PRKCA: variants seen among roughly 807,000 people sequenced by gnomAD.
PRKCA encodes the protein protein kinase C alpha, also known as protein kinase C alpha type.
In PRKCA, 27 loss-of-function variants were observed where a neutral mutation model predicts 87.0. The observed-to-expected ratio is 0.31, with a 90% CI of 0.23 to 0.43. The LOEUF (loss-of-function observed/expected upper bound fraction) is 0.43. PRKCA is among the 20% of genes least tolerant of loss of function. The probability of loss-of-function intolerance (pLI) is 1.00; values close to 1 mark genes in which losing one functional copy is unlikely to be tolerated. For missense variants in PRKCA, 518 were observed against 852.3 expected, an observed-to-expected ratio of 0.61 and a Z score of 4.88; for synonymous variants, 329 against 311.1, an observed-to-expected ratio of 1.06 and a Z score of -0.61.
chr17:66,589,255 G>C (rs1334026832), intron 3 of PRKCA, among the ~76,000 whole-genome samples: 1 of 152,030 alleles, frequency 6.6e-6, no homozygotes, highest in African/African-American at 2.4e-5. Flanking sequence ...TGTCCACCAA[G>C]AGATAACGGC....
At chr17:66,533,446 A>G (rs1193114102) in intron 3 of PRKCA, among the ~76,000 whole-genome samples, 1 of 152,122 alleles carries the variant, frequency 6.6e-6, no homozygotes, top group East Asian at 1.9e-4. Flanking sequence ...TTGCCTCAGA[A>G]TAATTATTAA....
At chr17:66,596,316 G>A (rs1165237944) in intron 3 of PRKCA, among the ~76,000 whole-genome samples, 1 of 152,160 alleles carries the variant, frequency 6.6e-6, no homozygotes, top group Non-Finnish European at 1.5e-5. Context: ...AACAGGGCAG[G>A]AAAAGTCAGA....
At chr17:66,456,430 T>C (rs1006451046) in intron 2 of PRKCA, among the ~76,000 whole-genome samples, 1 of 152,184 alleles carries the variant, frequency 6.6e-6, no homozygotes, top group Non-Finnish European at 1.5e-5. Flanking sequence ...TTCTAAGTTT[T>C]CTTCCCATCC....
At chr17:66,642,276 C>T (rs1971318634) in intron 4 of PRKCA, among the ~76,000 whole-genome samples, 1 of 152,042 alleles carries the variant, frequency 6.6e-6, no homozygotes, top group African/African-American at 2.4e-5. Flanking sequence ...ACTACAGGCC[C>T]CCACCACCAC....
rs781240709 is a variant in PRKCA, at chr17:66,792,547, A to G, written c.1854+3568A>G. ...TGCCAGAGTGACTTGACTGAAGTTA[A>G]CCTTTAGACCGCAGTGCCATGCAAA... On this transcript the variant is annotated intron_variant, in intron 16 of 16. Coordinates refer to ENST00000413366, the MANE Select transcript of PRKCA (RefSeq NM_002737.3). This position sits in a 1 kb window ranked among gnomAD's most constrained non-coding sequence, Gnocchi z 4.5. Among the ~76,000 whole-genome samples, 33 of 152,296 alleles carry G rather than the reference A, an allele frequency of 2.2e-4. 1 individual carries two copies. The highest frequency in any genetic ancestry group is 1.9e-4 in the Non-Finnish European group (13 of 68,020).
intron 3 of PRKCA, among the ~76,000 whole-genome samples, chr17:66,527,586 GCCGCAGA>G (rs1267536046): frequency 1.3e-5 from 2 of 152,232 alleles, no homozygotes; most frequent in Admixed American, 1.3e-4. Context: ...CATGAGAAAT[GCCGCAGA>G]CCTTTGTCTG....
intron 2 of PRKCA, among the ~76,000 whole-genome samples, chr17:66,319,941 G>A (rs60320822): frequency 0.021 from 3,199 of 152,006 alleles, 96 homozygotes; most frequent in African/African-American, 0.073. Context: ...ACAGGGTTTC[G>A]CCATGTTGGC....
chr17:66,548,137 G>C (rs920883540), intron 3 of PRKCA, among the ~76,000 whole-genome samples: 5 of 152,154 alleles, frequency 3.3e-5, no homozygotes, highest in Non-Finnish European at 7.4e-5. Flanking sequence ...ATTCTTGTTC[G>C]GGGGGATTTC....
At chr17:66,730,079 C>T (rs1973849002) in intron 8 of PRKCA, among the ~76,000 whole-genome samples, 1 of 152,214 alleles carries the variant, frequency 6.6e-6, no homozygotes, top group Non-Finnish European at 1.5e-5. Flanking sequence ...GTGTGAACCA[C>T]CATGTCTGGC....
At chr17:66,631,222 G>A in intron 3 of PRKCA, among the ~76,000 whole-genome samples, 1 of 152,172 alleles carries the variant, frequency 6.6e-6, no homozygotes, top group Non-Finnish European at 1.5e-5. Flanking sequence ...AGTTAGATAG[G>A]ACCTGAGCCT....
intron 3 of PRKCA, among the ~76,000 whole-genome samples, chr17:66,562,658 A>G (rs928084935): frequency 6.6e-6 from 1 of 151,656 alleles, no homozygotes; most frequent in Non-Finnish European, 1.5e-5. Context: ...GTGCACTGGC[A>G]CTATCTTGGC....
At chr17:66,462,104 G>A (rs899408088) in intron 2 of PRKCA, among the ~76,000 whole-genome samples, 5 of 152,068 alleles carry the variant, frequency 3.3e-5, no homozygotes, top group African/African-American at 4.8e-5. Context: ...TTAAACGTCG[G>A]GTCTGCTTCC....
At chr17:66,686,841 G>A (rs1012182525) in intron 5 of PRKCA, among the ~76,000 whole-genome samples, 1 of 152,148 alleles carries the variant, frequency 6.6e-6, no homozygotes, top group Non-Finnish European at 1.5e-5. Flanking sequence ...ATTTCTAATA[G>A]ATATCTTAGT....
intron 3 of PRKCA, among the ~76,000 whole-genome samples, chr17:66,634,630 T>C (rs1383407827): frequency 6.6e-6 from 1 of 152,202 alleles, no homozygotes; most frequent in Non-Finnish European, 1.5e-5. Context: ...GATTTAGTAG[T>C]TGCTTTCATA....
intron 2 of PRKCA, among the ~76,000 whole-genome samples, chr17:66,388,059 C>T (rs981231150): frequency 4.6e-5 from 7 of 152,122 alleles, no homozygotes; most frequent in African/African-American, 1.7e-4. Flanking sequence ...CATAGCAGAG[C>T]GGAAAACCTA....
At position 66,666,589 on chromosome 17, in the gene PRKCA, G is replaced by A. The variant is rs148743393; in HGVS notation, c.530-20522G>A. ...TTGTTGATTTCCAAAGAAAGATCTT[G>A]CTTTCCTCATTTCCTACTACCCAAG... On this transcript the variant is annotated intron_variant, in intron 5 of 16. Transcript: ENST00000413366. Among the ~76,000 whole-genome samples the A allele has an allele frequency of 4.6e-5, 7 of 152,244 alleles. No individual in the cohort carries two copies. In the East Asian group the frequency reaches 1.4e-3, roughly 29 times the overall value.
intron 3 of PRKCA, among the ~76,000 whole-genome samples, chr17:66,621,630 C>T (rs577309611): frequency 4.0e-4 from 61 of 152,268 alleles, no homozygotes; most frequent in Non-Finnish European, 4.3e-4. Context: ...ATATCTGCTT[C>T]GTTCATGGAG....
chr17:66,668,982 A>C (rs955098488), intron 5 of PRKCA, among the ~76,000 whole-genome samples: 1 of 152,096 alleles, frequency 6.6e-6, no homozygotes, highest in African/African-American at 2.4e-5. Context: ...ACACACCTGT[A>C]GTCCCAGCTA....
chr17:66,311,409 A>G (rs1905079723), intron 2 of PRKCA, among the ~76,000 whole-genome samples: 2 of 152,056 alleles, frequency 1.3e-5, no homozygotes, highest in African/African-American at 4.8e-5. Flanking sequence ...TGAGCCCAGA[A>G]CTTTAAGACC....
Sources: gnomAD v4.1 joint callset for allele counts (sites outside exome capture counted in the v4.1 genomes callset) on GRCh38, gnomAD v4.1.1 for gene constraint, Gnocchi (gnomAD v3.1) non-coding constraint, MANE v1.5 for transcripts, NCBI Gene and HGNC (gene_info 2026-07-23, HGNC 2026-07-21) for gene names.